CORIN: variants seen among roughly 807,000 people sequenced by gnomAD.
The protein encoded by CORIN is corin, serine peptidase.
Under a neutral mutation model 125.3 loss-of-function variants are expected in CORIN, and 117 were observed. That is an observed-to-expected ratio of 0.93 (90% CI 0.80 to 1.09). The LOEUF is 1.09. Among genes scored for constraint, CORIN ranks in the 50% least tolerant of loss-of-function variants. The pLI, the probability that CORIN is intolerant of heterozygous loss-of-function variation, is 0.00. For synonymous variants in CORIN, 450 were observed against 466.4 expected (o/e 0.96, Z 0.45); for missense variants, 1,253 against 1,306.7 (o/e 0.96, Z 0.63).
intron 13 of CORIN, among the ~76,000 whole-genome samples, chr4:47,648,614 G>A (rs771300375): frequency 2.6e-5 from 4 of 152,078 alleles, no homozygotes; most frequent in Non-Finnish European, 4.4e-5. Flanking sequence ...AATAAAGTCA[G>A]CAAATCACCT....
At chr4:47,785,516 G>A (rs1296235918) in intron 3 of CORIN, among the ~76,000 whole-genome samples, 1 of 145,240 alleles carries the variant, frequency 6.9e-6, no homozygotes, top group African/African-American at 2.5e-5. Context: ...CTCAAGGTGT[G>A]ATTTTTTTTT....
At chr4:47,654,343 A>ACTTCC (rs139898009) in intron 12 of CORIN, among the ~76,000 whole-genome samples, 39,844 of 151,902 alleles carry the variant, frequency 0.26, 5,466 homozygotes, top group Admixed American at 0.36. Context: ...CCACACAAAA[A>ACTTCC]AGCACCTTCA....
chr4:47,720,956 T>A (rs1445687787), intron 5 of CORIN, among the ~76,000 whole-genome samples: 1 of 152,170 alleles, frequency 6.6e-6, no homozygotes, highest in Non-Finnish European at 1.5e-5. Context: ...AATCTCCCTA[T>A]CAGTTCTGTC....
At chr4:47,804,180 G>A (rs1049610270) in intron 2 of CORIN, among the ~76,000 whole-genome samples, 2 of 152,150 alleles carry the variant, frequency 1.3e-5, no homozygotes, top group Non-Finnish European at 2.9e-5. Flanking sequence ...AGCTAAAATG[G>A]TTTATATCCA....
At chr4:47,618,558 G>A (rs1036105194) in intron 19 of CORIN, among the ~76,000 whole-genome samples, 1 of 151,898 alleles carries the variant, frequency 6.6e-6, no homozygotes, top group African/African-American at 2.4e-5. Context: ...AGTGGCTCAC[G>A]CCTGTAATCC....
chr4:47,727,630 C>G (rs1243935234), intron 5 of CORIN, among the ~76,000 whole-genome samples: 1 of 151,894 alleles, frequency 6.6e-6, no homozygotes, highest in Non-Finnish European at 1.5e-5. Flanking sequence ...AGATATTACA[C>G]TGTAATGAAA....
At chr4:47,613,951 A>C (rs1406187538) in intron 19 of CORIN, among the ~76,000 whole-genome samples, 2 of 140,756 alleles carry the variant, frequency 1.4e-5, no homozygotes, top group Non-Finnish European at 3.0e-5. Context: ...TAAAACTTAA[A>C]GTATAATAAA....
intron 16 of CORIN, among the ~76,000 whole-genome samples, chr4:47,636,632 T>C (rs1283450809): frequency 6.6e-6 from 1 of 152,176 alleles, no homozygotes; most frequent in Non-Finnish European, 1.5e-5. Flanking sequence ...CTGACAGTTT[T>C]AAAAATGGGA....
At position 47,786,780 on chromosome 4, in the gene CORIN, A is replaced by G. The variant is rs1730833821; in HGVS notation, c.354T>C (p.Val118=). The change falls in exon 3 of 22, where the codon GTT becomes GTC. Residue 118 remains valine (V), a synonymous_variant. Coordinates refer to ENST00000273857, the MANE Select transcript of CORIN (RefSeq NM_006587.4). ...VVSTAHPDQH[V]PAWTTDASLP... Reference sequence around the variant, plus strand: ...GAGAAGCATCCGTAGTCCAGGCTGGAACGTGTTGGTCGGGATGTGCAGTAG... The same window carrying G: ...GAGAAGCATCCGTAGTCCAGGCTGGGACGTGTTGGTCGGGATGTGCAGTAG... The G allele has an allele frequency of 6.2e-7, 1 of 1,614,048 alleles. No homozygotes were observed. Among genetic ancestry groups the G allele is most frequent in the Non-Finnish European group, 8.5e-7 (1 of 1,180,022 alleles).
chr4:47,658,415 C>A (rs550063780), intron 12 of CORIN, among the ~76,000 whole-genome samples: 10 of 152,356 alleles, frequency 6.6e-5, no homozygotes, highest in Admixed American at 2.0e-4. Flanking sequence ...GCAAAGGGTG[C>A]AAGCTGCCAG....
chr4:47,736,432 T>A (rs939323931), intron 5 of CORIN, among the ~76,000 whole-genome samples: 1 of 152,228 alleles, frequency 6.6e-6, no homozygotes, highest in Non-Finnish European at 1.5e-5. Flanking sequence ...ATAATTAAGA[T>A]GTGAGTGGCC....
At chr4:47,818,878 G>GA (rs79110235) in intron 1 of CORIN, among the ~76,000 whole-genome samples, 4,852 of 52,622 alleles carry the variant, frequency 0.092, 206 homozygotes, top group African/African-American at 0.21. Context: ...GTCAAAAACA[G>GA]AAAAAAAAAA....
At chr4:47,669,633 ATCTGGGC>A (rs1454381270) in intron 10 of CORIN, among the ~76,000 whole-genome samples, 3 of 150,206 alleles carry the variant, frequency 2.0e-5, no homozygotes, top group African/African-American at 7.4e-5. Context: ...CAGTGGCACG[ATCTGGGC>A]TCACTGCAAG....
intron 3 of CORIN, among the ~76,000 whole-genome samples, chr4:47,785,499 C>T (rs1730751143): frequency 6.6e-6 from 1 of 151,116 alleles, no homozygotes; most frequent in Admixed American, 6.6e-5. Context: ...TGGCACATGC[C>T]ATTTTTCTCA....
At chr4:47,670,597 A>C (rs140483865) in intron 10 of CORIN, among the ~76,000 whole-genome samples, 322 of 152,328 alleles carry the variant, frequency 2.1e-3, no homozygotes, top group African/African-American at 7.4e-3. Context: ...CTAAAGGTTG[A>C]CGAACACTGT....
intron 5 of CORIN, among the ~76,000 whole-genome samples, chr4:47,712,319 G>C (rs1411490218): frequency 6.6e-6 from 1 of 152,094 alleles, no homozygotes; most frequent in African/African-American, 2.4e-5. Flanking sequence ...ATCATGCTCT[G>C]TAGCCCAGCC....
intron 16 of CORIN, among the ~76,000 whole-genome samples, chr4:47,635,783 T>TGAAGACAACATGAA (rs1723000155): frequency 6.6e-6 from 1 of 152,214 alleles, no homozygotes; most frequent in African/African-American, 2.4e-5. Context: ...CAGTAGGTTT[T>TGAAGACAACATGAA]GAAGACAACA....
At chr4:47,674,253 C>T (rs1029034648) in intron 10 of CORIN, 140 bp downstream of exon 10, 14 of 636,136 alleles carry the variant, frequency 2.2e-5, no homozygotes, top group Non-Finnish European at 3.1e-5. Flanking sequence ...CTACCACATG[C>T]GACCTTTTAA....
chr4:47,762,482 T>C (rs113966357), intron 4 of CORIN, among the ~76,000 whole-genome samples: 16 of 152,224 alleles, frequency 1.1e-4, no homozygotes, highest in African/African-American at 3.9e-4. Context: ...TTCCATGATA[T>C]ACTTTTGATT....
Sources: allele counts gnomAD v4.1 joint callset (sites outside exome capture counted in the v4.1 genomes callset), GRCh38; gene constraint gnomAD v4.1.1; transcripts MANE v1.5; gene names NCBI Gene and HGNC (gene_info 2026-07-23, HGNC 2026-07-21).